The following PPP2R2C variants were observed in gnomAD, a reference collection of about 807,000 sequenced individuals.
The protein encoded by PPP2R2C is protein phosphatase 2, regulatory subunit B, gamma.
A neutral mutation model predicts 45.3 loss-of-function variants in PPP2R2C; 10 were observed. The ratio of observed to expected loss-of-function variants is 0.22; its 90% CI spans 0.14 to 0.37. PPP2R2C has a LOEUF of 0.37. Among genes scored for constraint, PPP2R2C ranks in the 10% least tolerant of loss-of-function variants. PPP2R2C has a pLI of 1.00. For synonymous variants in PPP2R2C, 257 were observed against 245.4 expected, an observed-to-expected ratio of 1.05 and a Z score of -0.44; for missense variants, 308 against 619.7, an observed-to-expected ratio of 0.50 and a Z score of 5.34.
intron 2 of PPP2R2C, among the ~76,000 whole-genome samples, chr4:6,491,027 G>A (rs1045914341): frequency 6.6e-6 from 1 of 152,116 alleles, no homozygotes; most frequent in Non-Finnish European, 1.5e-5. Flanking sequence ...ACCACCCCAC[G>A]TAAACCCTCT....
chr4:6,329,611 G>A lies in PPP2R2C; in HGVS notation c.961-258C>T, dbSNP rs796842908. Among the ~76,000 whole-genome samples the A allele has an allele frequency of 3.1e-5, 4 of 129,288 alleles. No homozygotes were observed. Among genetic ancestry groups the A allele is most frequent in the Admixed American group, 1.4e-4 (2 of 14,180 alleles). The allele number at this position is 129,288 out of a possible 152,430, so 84.8% of individuals were successfully genotyped here. ...ATACAGCCCTGCTCATCTTATCGGG[G>A]GGCCCACGACCAGGCACACGGCTGA... On this transcript the variant is annotated intron_variant, in intron 7 of 8. Transcript: ENST00000382599. The surrounding 1 kb of genome is among the most constrained non-coding windows in gnomAD (Gnocchi z 5.8).
chr4:6,338,744 C>T (rs1733193982), intron 6 of PPP2R2C, among the ~76,000 whole-genome samples: 1 of 152,170 alleles, frequency 6.6e-6, no homozygotes, highest in African/African-American at 2.4e-5. Flanking sequence ...GCACTGCATC[C>T]ACTCAAAGGC....
intron 6 of PPP2R2C, among the ~76,000 whole-genome samples, chr4:6,340,524 C>T (rs775524529): frequency 7.9e-5 from 12 of 152,138 alleles, no homozygotes; most frequent in Admixed American, 3.9e-4. Context: ...AAGCCATCCC[C>T]GACCCTCCCT....
intron 1 of PPP2R2C, among the ~76,000 whole-genome samples, chr4:6,550,378 G>T (rs1327878471): frequency 6.6e-6 from 1 of 152,028 alleles, no homozygotes; most frequent in Non-Finnish European, 1.5e-5. Context: ...ACCCTCTGCA[G>T]CCTCAGCTCT....
intron 1 of PPP2R2C, among the ~76,000 whole-genome samples, chr4:6,390,784 C>T (rs1023881490): frequency 6.6e-6 from 1 of 152,216 alleles, no homozygotes; most frequent in African/African-American, 2.4e-5. Context: ...GCCCTCTGCA[C>T]TCACCTAGTC....
intron 5 of PPP2R2C, chr4:6,350,745 A>G: frequency 1.0e-6 from 1 of 985,340 alleles, no homozygotes. Context: ...ATGAATAGAC[A>G]AGTGAGGCAT....
intron 2 of PPP2R2C, among the ~76,000 whole-genome samples, chr4:6,504,655 C>G (rs771147765): frequency 6.6e-6 from 1 of 152,056 alleles, no homozygotes; most frequent in African/African-American, 2.4e-5. Flanking sequence ...AATACACTAC[C>G]TGAAATTTTA....
chr4:6,438,049 C>G lies in PPP2R2C; in HGVS notation c.70+34111G>C, dbSNP rs140172999. ...GGCAAAGAAGAGTGGTTTCATGGGT[C>G]TTTGCCAGAGTTCTCATAAAACCTT... On this transcript the variant is annotated intron_variant, in intron 1 of 8. Transcript: ENST00000382599. 6.6e-5 allele frequency among the ~76,000 whole-genome samples: 10 copies of G among 152,322 alleles called. No individual in the cohort carries two copies. In the East Asian group the frequency reaches 1.7e-3, roughly 26 times the overall value.
intron 2 of PPP2R2C, among the ~76,000 whole-genome samples, chr4:6,512,383 G>C (rs866480695): frequency 2.1e-5 from 1 of 47,628 alleles, no homozygotes; most frequent in Non-Finnish European, 4.6e-5. Flanking sequence ...GGTGGTGGTG[G>C]TGGTGATGGT....
chr4:6,327,461 G>A (rs960941404), intron 8 of PPP2R2C, among the ~76,000 whole-genome samples: 5 of 152,226 alleles, frequency 3.3e-5, no homozygotes, highest in Admixed American at 2.6e-4. Flanking sequence ...GTGCCCCCTG[G>A]TGGCAGCTTG....
rs1048909476 is a variant in PPP2R2C at position 6,368,011 on chromosome 4, T to G, written c.625+4512A>C. 2.6e-5 allele frequency among the ~76,000 whole-genome samples: 4 copies of G among 152,166 alleles called. No homozygotes were observed. Among genetic ancestry groups the G allele is most frequent in the Non-Finnish European group, 5.9e-5 (4 of 68,030 alleles). Reference sequence around the variant, plus strand: ...GCTTTATGTTTTGATGAATTAATAATCATTTTCACAGAATGGGAAGTTACA... The same window carrying G: ...GCTTTATGTTTTGATGAATTAATAAGCATTTTCACAGAATGGGAAGTTACA... On this transcript the variant is annotated intron_variant, in intron 5 of 8. Coordinates refer to ENST00000382599, the MANE Select transcript of PPP2R2C (RefSeq NM_020416.4). This position sits in a 1 kb window ranked among gnomAD's most constrained non-coding sequence, Gnocchi z 4.2.
At chr4:6,473,686 G>A (rs1722034090), upstream of PPP2R2C, among the ~76,000 whole-genome samples, 1 of 152,178 alleles carries the variant, frequency 6.6e-6, no homozygotes, top group African/African-American at 2.4e-5. Context: ...AAATGGTTCT[G>A]GGGGAACTCC....
intron 2 of PPP2R2C, among the ~76,000 whole-genome samples, chr4:6,528,099 C>A (rs1560604151): frequency 6.6e-6 from 1 of 152,252 alleles, no homozygotes; most frequent in Admixed American, 6.5e-5. Flanking sequence ...CCTGTGTGAC[C>A]ACCTGGTTAC....
At chr4:6,483,079 C>T (rs564158962) in intron 2 of PPP2R2C, among the ~76,000 whole-genome samples, 1 of 151,518 alleles carries the variant, frequency 6.6e-6, no homozygotes, top group Non-Finnish European at 1.5e-5. Context: ...CTAGGGTGAA[C>T]TTCACATGGT....
chr4:6,424,751 GT>G (rs1343838645), intron 1 of PPP2R2C, among the ~76,000 whole-genome samples: 3 of 152,168 alleles, frequency 2.0e-5, no homozygotes, highest in African/African-American at 7.2e-5. Flanking sequence ...AGATGCAGGG[GT>G]GGGGGCAAAT....
intron 1 of PPP2R2C, among the ~76,000 whole-genome samples, chr4:6,448,235 G>A (rs1985413): frequency 0.27 from 41,751 of 151,984 alleles, 5,989 homozygotes; most frequent in Admixed American, 0.38. Context: ...CAGGATTTAA[G>A]AACTGTTTGA....
intron 5 of PPP2R2C, chr4:6,349,312 C>T (rs1712313481): frequency 2.0e-6 from 2 of 984,344 alleles, no homozygotes; most frequent in African/African-American, 1.7e-5. Flanking sequence ...CACCTCCTGG[C>T]TGTGTGACCC....
At chr4:6,444,909 G>C (rs570096625) in intron 1 of PPP2R2C, among the ~76,000 whole-genome samples, 1 of 152,314 alleles carries the variant, frequency 6.6e-6, no homozygotes, top group East Asian at 1.9e-4. Flanking sequence ...TCCAGCCTGG[G>C]CACAGTGGCT....
intron 1 of PPP2R2C, among the ~76,000 whole-genome samples, chr4:6,390,166 A>G (rs1716501931): frequency 6.6e-6 from 1 of 152,102 alleles, no homozygotes; most frequent in Middle Eastern, 3.2e-3. Flanking sequence ...GCTGCTTAGG[A>G]CCACCTTAGG....
Sources: gnomAD v4.1 joint callset for allele counts (sites outside exome capture counted in the v4.1 genomes callset) on GRCh38, gnomAD v4.1.1 for gene constraint, Gnocchi (gnomAD v3.1) non-coding constraint, MANE v1.5 for transcripts, NCBI Gene and HGNC (gene_info 2026-07-23, HGNC 2026-07-21) for gene names.